GLIS1: variants seen among roughly 807,000 people sequenced by gnomAD.
GLIS1 encodes the protein zinc finger protein GLIS1.
In GLIS1, 24 loss-of-function variants were observed where a neutral mutation model predicts 63.8. That is an observed-to-expected ratio of 0.38 (90% CI 0.27 to 0.53). The LOEUF (loss-of-function observed/expected upper bound fraction) is 0.53, where lower values mean the gene tolerates loss of function less well. Among genes scored for constraint, GLIS1 ranks in the 20% least tolerant of loss-of-function variants. GLIS1 has a pLI of 0.85. For synonymous variants in GLIS1, 450 were observed against 482.5 expected, an observed-to-expected ratio of 0.93 and a Z score of 0.88; for missense variants, 1,036 against 1,074.1, an observed-to-expected ratio of 0.96 and a Z score of 0.50.
intron 4 of GLIS1, among the ~76,000 whole-genome samples, chr1:53,561,127 C>G (rs1393045272): frequency 6.6e-6 from 1 of 152,148 alleles, no homozygotes; most frequent in African/African-American, 2.4e-5. Context: ...ACTACTCTTC[C>G]CTAGTCCCAT....
At chr1:53,703,086 A>G (rs1316465583) in intron 2 of GLIS1, among the ~76,000 whole-genome samples, 1 of 152,200 alleles carries the variant, frequency 6.6e-6, no homozygotes, top group Non-Finnish European at 1.5e-5. Flanking sequence ...CCTCTGCTAC[A>G]TTAAATGTAA....
chr1:53,649,091 G>A (rs1040573673), intron 2 of GLIS1, among the ~76,000 whole-genome samples: 2 of 151,796 alleles, frequency 1.3e-5, no homozygotes, highest in African/African-American at 2.4e-5. Context: ...ATTCACAGAC[G>A]AACTGCATAG....
At chr1:53,671,601 A>G (rs1255236047) in intron 2 of GLIS1, among the ~76,000 whole-genome samples, 1 of 152,220 alleles carries the variant, frequency 6.6e-6, no homozygotes, top group Non-Finnish European at 1.5e-5. Flanking sequence ...CGGTCTTTGA[A>G]AGTAGTAAGC....
At chr1:53,648,676 G>C (rs1405660659) in intron 2 of GLIS1, among the ~76,000 whole-genome samples, 2 of 152,182 alleles carry the variant, frequency 1.3e-5, no homozygotes, top group Admixed American at 6.5e-5. Context: ...AGCCATAGCT[G>C]CACAGCATGA....
At chr1:53,559,602 C>T (rs562144540) in intron 4 of GLIS1, among the ~76,000 whole-genome samples, 1 of 152,210 alleles carries the variant, frequency 6.6e-6, no homozygotes, top group Non-Finnish European at 1.5e-5. Flanking sequence ...CTCTGCTCCC[C>T]CTCAGGGTCG....
intron 2 of GLIS1, among the ~76,000 whole-genome samples, chr1:53,661,124 A>G (rs1479544081): frequency 2.6e-5 from 4 of 152,164 alleles, no homozygotes; most frequent in Admixed American, 2.6e-4. Context: ...CAATCAGGAG[A>G]AGGTGCAAAG....
intron 2 of GLIS1, among the ~76,000 whole-genome samples, chr1:53,673,149 A>G (rs1226639401): frequency 6.6e-6 from 1 of 152,096 alleles, no homozygotes; most frequent in Non-Finnish European, 1.5e-5. Context: ...TCATTTCCCG[A>G]GCCCACACTC....
intron 4 of GLIS1, among the ~76,000 whole-genome samples, chr1:53,532,854 T>C (rs1644545185): frequency 6.6e-6 from 1 of 152,240 alleles, no homozygotes; most frequent in African/African-American, 2.4e-5. Context: ...CTCAGCACAG[T>C]TGCTCTGTCT....
chr1:53,629,212 C>T (rs1645626840), intron 2 of GLIS1, among the ~76,000 whole-genome samples: 1 of 152,088 alleles, frequency 6.6e-6, no homozygotes, highest in Admixed American at 6.5e-5. Flanking sequence ...ATGATGTTCT[C>T]CCTCCTGAGA....
chr1:53,635,881 A>C (rs1645717494), intron 2 of GLIS1, among the ~76,000 whole-genome samples: 1 of 152,262 alleles, frequency 6.6e-6, no homozygotes, highest in African/African-American at 2.4e-5. Context: ...AATATAATTT[A>C]TCAAAACTGA....
At chr1:53,555,329 G>T (rs1644807607) in intron 4 of GLIS1, among the ~76,000 whole-genome samples, 1 of 152,170 alleles carries the variant, frequency 6.6e-6, no homozygotes, top group South Asian at 2.1e-4. Flanking sequence ...AGGAGATCGA[G>T]ACCATCCTGG....
rs912947842 is a variant in GLIS1 at position 53,560,468 on chromosome 1, C to T, written c.1321-30516G>A. On this transcript the variant is annotated intron_variant, in intron 4 of 10. Transcript: ENST00000628545. The surrounding 1 kb of genome is among the most constrained non-coding windows in gnomAD (Gnocchi z 4.4). ...CAGTTCCGGTCGGGAGATATCTGGT[C>T]CACACACGGAGCAAATATCTGTTTC... 3.3e-5 allele frequency among the ~76,000 whole-genome samples: 5 copies of T among 152,172 alleles called. No individual in the cohort carries two copies. The highest frequency in any genetic ancestry group is 1.2e-4 in the African/African-American group (5 of 41,428).
At chr1:53,518,772 G>A (rs533043561) in intron 7 of GLIS1, among the ~76,000 whole-genome samples, 111 of 152,318 alleles carry the variant, frequency 7.3e-4, no homozygotes, top group African/African-American at 2.5e-3. Flanking sequence ...GGGATTGAAC[G>A]AGAGGATATT....
At chr1:53,512,962 G>A (rs958689420) in intron 8 of GLIS1, among the ~76,000 whole-genome samples, 2 of 152,144 alleles carry the variant, frequency 1.3e-5, no homozygotes, top group African/African-American at 2.4e-5. Context: ...GCGTGTGTAC[G>A]GCCCTCACCA....
intron 2 of GLIS1, among the ~76,000 whole-genome samples, chr1:53,723,548 A>C (rs1646777417): frequency 6.6e-6 from 1 of 152,120 alleles, no homozygotes; most frequent in Non-Finnish European, 1.5e-5. Context: ...ATTTAAATGT[A>C]AGTAATAAGA....
rs147923725 is a variant in GLIS1 at position 53,633,265 on chromosome 1, CTG to C, written c.260-32989_260-32988del. Among the ~76,000 whole-genome samples, 1,095 of 118,724 alleles carry C rather than the reference CTG, an allele frequency of 9.2e-3. 16 individuals are homozygous for C. Among genetic ancestry groups the C allele is most frequent in the African/African-American group, 0.035 (1,039 of 29,952 alleles). 77.9% of individuals were successfully genotyped at this position (118,724 alleles called of 152,430 possible). On this transcript the variant is annotated intron_variant, in intron 2 of 10. Transcript: ENST00000628545. ...TGTGAAGGGGCGTGTGAATATGTGACTGAGGGGTGTGAATGAGTGTGGCTGAG... is the reference window on the plus strand; with the variant it reads ...TGTGAAGGGGCGTGTGAATATGTGACAGGGGTGTGAATGAGTGTGGCTGAG...
chr1:53,537,713 T>C (rs1557438222), intron 4 of GLIS1, among the ~76,000 whole-genome samples: 2 of 152,180 alleles, frequency 1.3e-5, no homozygotes, highest in Non-Finnish European at 1.5e-5. Context: ...CAGTTTCTCA[T>C]GCTCTAACTA....
chr1:53,559,523 T>A (rs1644864863), intron 4 of GLIS1, among the ~76,000 whole-genome samples: 1 of 152,204 alleles, frequency 6.6e-6, no homozygotes, highest in African/African-American at 2.4e-5. Context: ...CAGGCTGGGA[T>A]GATGATTGGC....
intron 2 of GLIS1, among the ~76,000 whole-genome samples, chr1:53,611,821 T>G (rs1202660586): frequency 6.6e-6 from 1 of 152,174 alleles, no homozygotes; most frequent in Non-Finnish European, 1.5e-5. Flanking sequence ...ATTTATCAAC[T>G]TCTTTTTTCT....
Sources: allele counts gnomAD v4.1 joint callset (sites outside exome capture counted in the v4.1 genomes callset), GRCh38; gene constraint gnomAD v4.1.1; non-coding constraint Gnocchi (gnomAD v3.1); transcripts MANE v1.5; gene names NCBI Gene and HGNC (gene_info 2026-07-23, HGNC 2026-07-21).